MAP3K3: variants seen among roughly 807,000 people sequenced by gnomAD.
MAP3K3 encodes the protein mitogen-activated protein kinase kinase kinase 3, also known as MAP/ERK kinase kinase 3.
MAP3K3 carries 12 observed loss-of-function variants against 80.9 expected under a neutral mutation model. The observed-to-expected ratio is 0.15, with a 90% CI of 0.10 to 0.24. The LOEUF (loss-of-function observed/expected upper bound fraction) is 0.24. Among genes scored for constraint, MAP3K3 ranks in the 10% least tolerant of loss-of-function variants. The probability of loss-of-function intolerance (pLI) is 1.00; values close to 1 mark genes in which losing one functional copy is unlikely to be tolerated. For missense variants in MAP3K3, 596 were observed against 834.7 expected (o/e 0.71, Z 3.52); for synonymous variants, 272 against 307.1 (o/e 0.89, Z 1.19).
In MAP3K3 at chr17:63,636,923, G is replaced by A. The variant is rs79520472; in HGVS notation, c.126+4121G>A. The A allele has an allele frequency of 3.6e-3, 1,854 of 521,220 alleles. 70 individuals carry two copies. The East Asian group carries it at 0.07, about 20-fold the overall frequency. The allele number at this position is 521,220 out of a possible 1,614,324, so 32.3% of individuals were successfully genotyped here. ...ATAGCCCAATTGGAGGCCTGTATGC[G>A]CTTCATCCAGCTGGACGGGCTGGTC... On this transcript the variant is annotated intron_variant, in intron 2 of 15. Transcript: ENST00000361733.
chr17:63,692,272 A>G lies in MAP3K3; in HGVS notation c.1505A>G (p.Asn502Ser). The change falls in exon 15 of 16, where the codon AAT becomes AGT. Residue 502 changes from asparagine to serine, a missense_variant. Transcript: ENST00000361733. The surrounding 1 kb of genome is among the most constrained non-coding windows in gnomAD (Gnocchi z 4.5). ...GANILRDSAG[N>S]VKLGDFGASK... Reference sequence around the variant, plus strand: ...AACATCCTCCGAGACTCTGCTGGGAATGTAAAGCTGGGGGACTTTGGGGCC... The same window carrying G: ...AACATCCTCCGAGACTCTGCTGGGAGTGTAAAGCTGGGGGACTTTGGGGCC... The G allele has an allele frequency of 6.2e-7, 1 of 1,613,920 alleles. No homozygotes were observed. The highest frequency in any genetic ancestry group is 8.5e-7 in the Non-Finnish European group (1 of 1,179,966).
chr17:63,641,206 A>T (rs1268728392), intron 2 of MAP3K3, among the ~76,000 whole-genome samples: 1 of 151,896 alleles, frequency 6.6e-6, no homozygotes, highest in African/African-American at 2.4e-5. Context: ...TGAGGAAACT[A>T]AGTTATAGGT....
At chr17:63,681,046 C>T (rs1225532689) in intron 6 of MAP3K3, among the ~76,000 whole-genome samples, 1 of 142,822 alleles carries the variant, frequency 7.0e-6, no homozygotes, top group African/African-American at 2.6e-5. Flanking sequence ...TAAAGCACCA[C>T]ATAAATGCAA....
chr17:63,673,770 G>A (rs1009870951), intron 6 of MAP3K3, among the ~76,000 whole-genome samples: 2 of 152,086 alleles, frequency 1.3e-5, no homozygotes, highest in African/African-American at 4.8e-5. Context: ...AATTAGCCAG[G>A]TATGATGGCA....
At chr17:63,669,538 G>A (rs1002644125) in intron 6 of MAP3K3, among the ~76,000 whole-genome samples, 2 of 151,074 alleles carry the variant, frequency 1.3e-5, no homozygotes, top group African/African-American at 4.9e-5. Context: ...ATGCCATCTC[G>A]GCTCACTGCA....
In MAP3K3 at chr17:63,690,223, T is replaced by G. The variant is rs1038842395; in HGVS notation, c.1064-41T>G. On this transcript the variant is annotated intron_variant, in intron 11 of 15. Transcript: ENST00000361733. ...GGAGAATGAATGGGATATTCATAAA[T>G]AATGTACACAAAGTAACTCTTTCCT... The G allele has an allele frequency of 3.1e-6, 5 of 1,595,260 alleles. No individual in the cohort carries two copies. The South Asian group carries it at 5.6e-5, about 18-fold the overall frequency.
At chr17:63,653,263 C>A (rs2143353596) in intron 4 of MAP3K3, among the ~76,000 whole-genome samples, 1 of 152,270 alleles carries the variant, frequency 6.6e-6, no homozygotes, top group Non-Finnish European at 1.5e-5. Context: ...TTCCCAGCTC[C>A]AAGAAGAATA....
At chr17:63,677,303 CTGCTGACAAATGT>C (rs2035239583) in intron 6 of MAP3K3, among the ~76,000 whole-genome samples, 1 of 152,216 alleles carries the variant, frequency 6.6e-6, no homozygotes, top group Non-Finnish European at 1.5e-5. Context: ...GTTGCTTCTG[CTGCTGACAAATGT>C]TGCTGACATG....
intron 4 of MAP3K3, among the ~76,000 whole-genome samples, chr17:63,653,302 G>T (rs1462924245): frequency 9.9e-5 from 15 of 152,218 alleles, no homozygotes; most frequent in African/African-American, 3.1e-4. Flanking sequence ...TTAGGCTGGT[G>T]CTTTGCAGTG....
chr17:63,642,496 A>G (rs1429431301), intron 2 of MAP3K3, among the ~76,000 whole-genome samples: 1 of 151,968 alleles, frequency 6.6e-6, no homozygotes. Flanking sequence ...TGTCTCTACT[A>G]AAAATACAAA....
chr17:63,657,684 T>G, intron 4 of MAP3K3, 110 bp from the exon 5 acceptor site: 1 of 530,722 alleles, frequency 1.9e-6, no homozygotes, highest in Non-Finnish European at 3.4e-6. Flanking sequence ...AGTGAGATTG[T>G]TTTCCTCCAA....
At chr17:63,641,724 G>T (rs1240520555) in intron 2 of MAP3K3, among the ~76,000 whole-genome samples, 1 of 152,108 alleles carries the variant, frequency 6.6e-6, no homozygotes, top group African/African-American at 2.4e-5. Flanking sequence ...CAGTGATTGG[G>T]GCTACATATA....
In MAP3K3 at chr17:63,692,532, C is replaced by G. The variant is rs2035614123; in HGVS notation, c.1652+113C>G. ...GGCAGGAGGGAGTGTGCCCAGGGCC[C>G]AGGCTGCAGTGTGTGCAAGGGTATT... On this transcript the variant is annotated intron_variant, in intron 15 of 15. Transcript: ENST00000361733. This position sits in a 1 kb window ranked among gnomAD's most constrained non-coding sequence, Gnocchi z 4.5. 8.8e-7 allele frequency: 1 copy of G among 1,137,746 alleles called. No homozygotes were observed. The highest frequency in any genetic ancestry group is 1.6e-5 in the African/African-American group (1 of 63,730). 70.5% of individuals were successfully genotyped at this position (1,137,746 alleles called of 1,614,324 possible). A position where few individuals can be genotyped will look rare whatever the true frequency, so the allele number is the denominator to read the frequency against.
At chr17:63,680,023 A>G (rs1034307405) in intron 6 of MAP3K3, among the ~76,000 whole-genome samples, 2 of 152,166 alleles carry the variant, frequency 1.3e-5, no homozygotes, top group African/African-American at 4.8e-5. Flanking sequence ...TGTCTCTGAA[A>G]CAAAACAAAA....
rs1051150133 is a variant in MAP3K3 at position 63,655,859 on chromosome 17, A to G, written c.268-1935A>G. On this transcript the variant is annotated intron_variant, in intron 4 of 15. Coordinates refer to ENST00000361733, the MANE Select transcript of MAP3K3 (RefSeq NM_002401.5). The stretch of plus-strand genomic sequence containing the variant: ...CCCACTTTGAATGTCACACAGGAAG[A>G]AATTCTTTTGCAATATAATATGATT... 7.9e-5 allele frequency among the ~76,000 whole-genome samples: 12 copies of G among 152,338 alleles called. 1 individual carries two copies. Among genetic ancestry groups the G allele is most frequent in the Non-Finnish European group, 4.4e-5 (3 of 68,038 alleles).
intron 5 of MAP3K3, among the ~76,000 whole-genome samples, chr17:63,663,867 C>CA (rs1426630533): frequency 6.6e-6 from 1 of 151,960 alleles, no homozygotes; most frequent in African/African-American, 2.4e-5. Context: ...ACTCATTGAG[C>CA]AAGACCCTGT....
chr17:63,658,519 A>ATG (rs1240721952), intron 5 of MAP3K3, among the ~76,000 whole-genome samples: 3 of 152,164 alleles, frequency 2.0e-5, no homozygotes, highest in African/African-American at 7.2e-5. Flanking sequence ...TTTCACAAGA[A>ATG]TGCTTGCAAT....
At chr17:63,682,191 C>T (rs2035352735) in intron 7 of MAP3K3, 1 of 247,244 alleles carries the variant, frequency 4.0e-6, no homozygotes, top group Non-Finnish European at 7.7e-6. Context: ...CAGGCAGGCA[C>T]CACCACGCCC....
Position 63,689,459 on chromosome 17 carries a change from C to A in MAP3K3, c.872-85C>A. The A allele has an allele frequency of 8.3e-7, 1 of 1,204,388 alleles. No individual in the cohort carries two copies. The allele number at this position is 1,204,388 out of a possible 1,614,324, so 74.6% of individuals were successfully genotyped here. ...TGGTTTGTATATTCCGCCTTGTAGC[C>A]CGGGGTGTCTCAGACCTGGTTTGTA... On this transcript the variant is annotated intron_variant, in intron 10 of 15. Coordinates refer to ENST00000361733, the MANE Select transcript of MAP3K3 (RefSeq NM_002401.5). This position sits in a 1 kb window ranked among gnomAD's most constrained non-coding sequence, Gnocchi z 4.3.
Sources: allele counts gnomAD v4.1 joint callset (sites outside exome capture counted in the v4.1 genomes callset), GRCh38; gene constraint gnomAD v4.1.1; non-coding constraint Gnocchi (gnomAD v3.1); transcripts MANE v1.5; gene names NCBI Gene and HGNC (gene_info 2026-07-23, HGNC 2026-07-21).